The following ANGPTL4 variants were observed in gnomAD, a reference collection of about 807,000 sequenced individuals.
The protein encoded by ANGPTL4 is angiopoietin like 4.
A neutral mutation model predicts 39.2 loss-of-function variants in ANGPTL4; 39 were observed. That is an observed-to-expected ratio of 1.00 (90% CI 0.77 to 1.30). The LOEUF (loss-of-function observed/expected upper bound fraction) is 1.30, where lower values mean the gene tolerates loss of function less well. Among genes scored for constraint, ANGPTL4 ranks in the 50% most tolerant of loss-of-function variants. The pLI, the probability that ANGPTL4 is intolerant of heterozygous loss-of-function variation, is 0.00. For synonymous variants in ANGPTL4, 233 were observed against 229.5 expected, an observed-to-expected ratio of 1.02 and a Z score of -0.14; for missense variants, 545 against 549.8, an observed-to-expected ratio of 0.99 and a Z score of 0.09.
Position 8,364,493 on chromosome 19 carries a change from C to A in ANGPTL4, c.172C>A (p.His58Asn). The A allele has an allele frequency of 6.4e-7, 1 of 1,564,784 alleles. No individual in the cohort carries two copies. The highest frequency in any genetic ancestry group is 1.3e-5 in the African/African-American group (1 of 74,124). Residue 58 changes from histidine to asparagine, a missense_variant, in exon 1 of 7, where the codon CAC becomes AAC. Physicochemically the swap from His to Asn is moderately conservative, Grantham distance 68. Transcript: ENST00000301455. ...GCAGCTCGGCCAGGGGCTGCGCGAACACGCGGAGCGCACCCGCAGTCAGCT... is the reference window on the plus strand; with the variant it reads ...GCAGCTCGGCCAGGGGCTGCGCGAAAACGCGGAGCGCACCCGCAGTCAGCT... Reference protein sequence around the residue: ...LLQLGQGLREHAERTRSQLSA... With the variant: ...LLQLGQGLRENAERTRSQLSA...
chr19:8,367,891 C>T (rs59881559), intron 3 of ANGPTL4, among the ~76,000 whole-genome samples: 4,650 of 152,298 alleles, frequency 0.031, 240 homozygotes, highest in African/African-American at 0.11. Context: ...AGTGCAGTGG[C>T]GCAATCTCAG....
intron 6 of ANGPTL4, among the ~76,000 whole-genome samples, chr19:8,373,444 G>A (rs913221917): frequency 6.0e-5 from 9 of 151,230 alleles, no homozygotes; most frequent in Admixed American, 2.0e-4. Context: ...GGTGGCAGGC[G>A]CCTGTAATCC....
In ANGPTL4 at chr19:8,364,208, G is replaced by A. The variant is rs11544612; in HGVS notation, c.-114G>A. On this transcript the variant is annotated 5_prime_UTR_variant, in exon 1 of 7. Coordinates refer to ENST00000301455, the MANE Select transcript of ANGPTL4 (RefSeq NM_139314.3). ...GACTGTGATCCGATTCTTTCCAGCG[G>A]CTTCTGCAACCAAGCGGGTCTTACC... 5.6e-3 allele frequency: 6,083 copies of A among 1,093,844 alleles called. 249 individuals carry two copies. In the African/African-American group the frequency reaches 0.085, roughly 15 times the overall value. The allele number at this position is 1,093,844 out of a possible 1,614,324, so 67.8% of individuals were successfully genotyped here.
rs568624939 is a variant in ANGPTL4 at position 8,364,550 on chromosome 19, G to A, written c.229G>A (p.Gly77Arg). 2 of 1,576,848 alleles carry A rather than the reference G, an allele frequency of 1.3e-6. No individual in the cohort carries two copies. Among genetic ancestry groups the A allele is most frequent in the Admixed American group, 1.8e-5 (1 of 54,828 alleles). The change falls in exon 1 of 7, where the codon GGG becomes AGG. Residue 77 changes from glycine (G) to arginine (R), a missense_variant. Transcript: ENST00000301455. ...GCTGGAGCGGCGCCTGAGCGCGTGC[G>A]GGTCCGCCTGTCAGGGAACCGAGGG... ...SALERRLSACGSACQGTEGST... is the reference protein window; with the variant it reads ...SALERRLSACRSACQGTEGST...
At chr19:8,364,698 T>A in intron 1 of ANGPTL4, 59 bp downstream of exon 1, 1 of 1,543,578 alleles carries the variant, frequency 6.5e-7, no homozygotes, top group Non-Finnish European at 8.8e-7. Context: ...CTTGGAAGGG[T>A]ATGGACAGGA....
chr19:8,364,736 T>C, intron 1 of ANGPTL4, 97 bp downstream of exon 1: 1 of 1,430,656 alleles, frequency 7.0e-7, no homozygotes, highest in Non-Finnish European at 9.6e-7. Flanking sequence ...GGTGCGCAAC[T>C]GTGGCTCCCT....
At chr19:8,365,821 G>A in intron 1 of ANGPTL4, 133 bp from the exon 2 acceptor site, 1 of 751,296 alleles carries the variant, frequency 1.3e-6, no homozygotes, top group Non-Finnish European at 2.3e-6. Context: ...CCGTCATTGG[G>A]AAAAAAAAGA....
At chr19:8,368,022 G>GTATTTTTT (rs1568216266) in intron 3 of ANGPTL4, among the ~76,000 whole-genome samples, 1 of 73,234 alleles carries the variant, frequency 1.4e-5, no homozygotes, top group African/African-American at 6.2e-5. Context: ...CATTTATCAA[G>GTATTTTTT]TCTTTTTTTT....
In ANGPTL4 at chr19:8,371,340, T is replaced by G. The variant is rs974089872; in HGVS notation, c.857T>G (p.Leu286Trp). Residue 286 changes from leucine (L) to tryptophan (W), a missense_variant, in exon 6 of 7, where the codon TTG becomes TGG. Coordinates refer to ENST00000301455, the MANE Select transcript of ANGPTL4 (RefSeq NM_139314.3). This position sits in a 1 kb window ranked among gnomAD's most constrained non-coding sequence, Gnocchi z 5.1. ...CGGGACTGGGATGGCAACGCCGAGT[T>G]GCTGCAGTTCTCCGTGCACCTGGGT... ...QLRDWDGNAE[L>W]LQFSVHLGGE... 6.2e-7 allele frequency: 1 copy of G among 1,613,828 alleles called. No homozygotes were observed. Among genetic ancestry groups the G allele is most frequent in the Non-Finnish European group, 8.5e-7 (1 of 1,180,032 alleles).
intron 6 of ANGPTL4, among the ~76,000 whole-genome samples, chr19:8,372,300 C>T (rs11671291): frequency 2.6e-5 from 4 of 151,890 alleles, no homozygotes; most frequent in Admixed American, 1.3e-4. Flanking sequence ...CTCAAGTGAT[C>T]TGCCCACCTC....
chr19:8,364,358 C>A lies in ANGPTL4; in HGVS notation c.37C>A (p.Leu13Ile). ...GAPTAGAALM[L>I]CAATAVLLSA... ...TCCGACGGCCGGGGCAGCCCTGATG[C>A]TCTGCGCCGCCACCGCCGTGCTACT... The change falls in exon 1 of 7, where the codon CTC becomes ATC. Residue 13 changes from leucine to isoleucine, a missense_variant. Coordinates refer to ENST00000301455, the MANE Select transcript of ANGPTL4 (RefSeq NM_139314.3). 1 of 1,549,106 alleles carries A rather than the reference C, an allele frequency of 6.5e-7. No homozygotes were observed. Among genetic ancestry groups the A allele is most frequent in the South Asian group, 1.2e-5 (1 of 84,782 alleles).
chr19:8,371,212 G>C lies in ANGPTL4; in HGVS notation c.758-29G>C. ...AAGAGGGACCCTCAGAAGTGGCCCT[G>C]CCTCATGGAGTGGCCTCTCCCACTC... On this transcript the variant is annotated intron_variant, in intron 5 of 6. Transcript: ENST00000301455. The surrounding 1 kb of genome is among the most constrained non-coding windows in gnomAD (Gnocchi z 5.1). 6.2e-7 allele frequency: 1 copy of C among 1,614,134 alleles called. No homozygotes were observed. Among genetic ancestry groups the C allele is most frequent in the Non-Finnish European group, 8.5e-7 (1 of 1,180,044 alleles).
chr19:8,365,215 C>T (rs2145469020), intron 1 of ANGPTL4, among the ~76,000 whole-genome samples: 1 of 151,624 alleles, frequency 6.6e-6, no homozygotes, highest in Non-Finnish European at 1.5e-5. Flanking sequence ...CGGTGACTCA[C>T]GCTTGTAGTC....
chr19:8,372,794 A>T (rs917455587), intron 6 of ANGPTL4, among the ~76,000 whole-genome samples: 30 of 151,942 alleles, frequency 2.0e-4, no homozygotes, highest in African/African-American at 6.8e-4. Context: ...CCCCTGCCTC[A>T]AAAGAAAAAG....
chr19:8,364,312 A>C lies in ANGPTL4; in HGVS notation c.-10A>C, dbSNP rs772634881. On this transcript the variant is annotated 5_prime_UTR_variant, in exon 1 of 7. Coordinates refer to ENST00000301455, the MANE Select transcript of ANGPTL4 (RefSeq NM_139314.3). ...GTCCCCGAATCCCCGCTCCCAGGCT[A>C]CCTAAGAGGATGAGCGGTGCTCCGA... 3.9e-6 allele frequency: 6 copies of C among 1,540,312 alleles called. No individual in the cohort carries two copies. In the South Asian group the frequency reaches 7.1e-5, roughly 18 times the overall value.
rs756335494 is a variant in ANGPTL4 at position 8,369,288 on chromosome 19, C to T, written c.617C>T (p.Pro206Leu). ...CAGAGTGGACTATTTGAAATCCAGC[C>T]TCAGGGGTCTCCGCCATTTTTGGTG... ...ERQSGLFEIQ[P>L]QGSPPFLVNC... The change falls in exon 4 of 7, where the codon CCT becomes CTT. Residue 206 changes from proline (P) to leucine (L), a missense_variant. Coordinates refer to ENST00000301455, the MANE Select transcript of ANGPTL4 (RefSeq NM_139314.3). The T allele has an allele frequency of 6.2e-7, 1 of 1,612,418 alleles. No homozygotes were observed. Among genetic ancestry groups the T allele is most frequent in the Middle Eastern group, 1.8e-4 (1 of 5,640 alleles).
At position 8,371,376 on chromosome 19, in the gene ANGPTL4, C is replaced by T. The variant is rs764915999; in HGVS notation, c.893C>T (p.Thr298Met). Residue 298 changes from threonine to methionine, a missense_variant, in exon 6 of 7, where the codon ACG (threonine) becomes ATG (methionine). Physicochemically the swap from Thr to Met is moderately conservative, Grantham distance 81 (BLOSUM62 -1). Coordinates refer to ENST00000301455, the MANE Select transcript of ANGPTL4 (RefSeq NM_139314.3). The surrounding 1 kb of genome is among the most constrained non-coding windows in gnomAD (Gnocchi z 5.1). ...TCCGTGCACCTGGGTGGCGAGGACA[C>T]GGCCTATAGCCTGCAGCTCACTGCA... ...QFSVHLGGED[T>M]AYSLQLTAPV... 16 of 1,613,514 alleles carry T rather than the reference C, an allele frequency of 9.9e-6. No homozygotes were observed. The highest frequency in any genetic ancestry group is 3.3e-5 in the Admixed American group (2 of 60,006).
chr19:8,373,763 C>T lies in ANGPTL4; in HGVS notation c.1098C>T (p.Ser366=), dbSNP rs1428796424. The change falls in exon 7 of 7, where the codon TCC becomes TCT. Residue 366 remains serine, a synonymous_variant. Coordinates refer to ENST00000301455, the MANE Select transcript of ANGPTL4 (RefSeq NM_139314.3). ...HSNLNGQYFR[S]IPQQRQKLKK... ...ACCTCAACGGCCAGTACTTCCGCTC[C>T]ATCCCACAGCAGCGGCAGAAGCTTA... 5 of 1,613,950 alleles carry T rather than the reference C, an allele frequency of 3.1e-6. No homozygotes were observed. In the South Asian group the frequency reaches 3.3e-5, roughly 11 times the overall value.
In ANGPTL4 at chr19:8,371,135, G is replaced by C. The variant is rs370978676; in HGVS notation, c.741G>C (p.Gly247=). 2 of 1,613,530 alleles carry C rather than the reference G, an allele frequency of 1.2e-6. No individual in the cohort carries two copies. The highest frequency in any genetic ancestry group is 1.7e-6 in the Non-Finnish European group (2 of 1,179,748). ...GGCCCTGGGAAGCCTACAAGGCGGG[G>C]TTTGGGGATCCCCACGGTAGGTGTT... The part of the protein sequence containing the change: ...FNRPWEAYKA[G]FGDPHGEFWL... The change falls in exon 5 of 7, where the codon GGG becomes GGC. Residue 247 remains glycine (G), a synonymous_variant. Coordinates refer to ENST00000301455, the MANE Select transcript of ANGPTL4 (RefSeq NM_139314.3). This position sits in a 1 kb window ranked among gnomAD's most constrained non-coding sequence, Gnocchi z 5.1.
Sources: gnomAD v4.1 joint callset for allele counts (sites outside exome capture counted in the v4.1 genomes callset) on GRCh38, gnomAD v4.1.1 for gene constraint, Gnocchi (gnomAD v3.1) non-coding constraint, MANE v1.5 for transcripts, NCBI Gene and HGNC (gene_info 2026-07-23, HGNC 2026-07-21) for gene names.